The following NOX4 variants were observed in gnomAD, a reference collection of about 807,000 sequenced individuals.
The protein encoded by NOX4 is NADPH oxidase 4, also known as kidney oxidase-1.
In NOX4, 69 loss-of-function variants were observed where a neutral mutation model predicts 87.6. That is an observed-to-expected ratio of 0.79 (90% CI 0.65 to 0.96). NOX4 has a LOEUF of 0.96. Among genes scored for constraint, NOX4 ranks in the 40% least tolerant of loss-of-function variants. NOX4 has a pLI of 0.00. For missense variants in NOX4, 680 were observed against 681.5 expected, an observed-to-expected ratio of 1.00 and a Z score of 0.02; for synonymous variants, 275 against 238.2, an observed-to-expected ratio of 1.15 and a Z score of -1.42.
intron 7 of NOX4, among the ~76,000 whole-genome samples, chr11:89,430,039 G>A (rs114690808): frequency 6.6e-6 from 1 of 152,156 alleles, no homozygotes; most frequent in African/African-American, 2.4e-5. Flanking sequence ...GGGATGCAAA[G>A]CTGGTTCAAC....
At chr11:89,406,292 C>T (rs1322009993) in intron 8 of NOX4, among the ~76,000 whole-genome samples, 2 of 151,986 alleles carry the variant, frequency 1.3e-5, no homozygotes, top group Non-Finnish European at 2.9e-5. Context: ...TTCACTGTGG[C>T]CACATTTATT....
the NOX4 span, among the ~76,000 whole-genome samples, chr11:89,530,836 A>G: frequency 6.6e-6 from 1 of 152,174 alleles, no homozygotes; most frequent in South Asian, 2.1e-4. Context: ...AAAGTAAGGG[A>G]AATACATGTG....
At chr11:89,479,759 G>A (rs1430361454) in intron 2 of NOX4, among the ~76,000 whole-genome samples, 1 of 152,136 alleles carries the variant, frequency 6.6e-6, no homozygotes, top group East Asian at 1.9e-4. Context: ...TTTTCCTTTA[G>A]TCTCATTGTC....
chr11:89,538,208 C>T, the NOX4 span, among the ~76,000 whole-genome samples: 1 of 152,276 alleles, frequency 6.6e-6, no homozygotes, highest in South Asian at 2.1e-4. Context: ...CAAAACCTGG[C>T]TGCATTTGTT....
chr11:89,388,918 T>C (rs567451412), intron 11 of NOX4, among the ~76,000 whole-genome samples: 1 of 152,340 alleles, frequency 6.6e-6, no homozygotes, highest in South Asian at 2.1e-4. Flanking sequence ...TTTGGATTAA[T>C]ATTCAGAGTA....
chr11:89,499,784 A>C (rs11018634), upstream of NOX4, among the ~76,000 whole-genome samples: 26,698 of 152,144 alleles, frequency 0.18, 2,733 homozygotes, highest in East Asian at 0.27. Context: ...CTGTGGAATT[A>C]ATCTTTGTAA....
chr11:89,361,401 C>A (rs1448516716), intron 12 of NOX4, among the ~76,000 whole-genome samples: 2 of 151,934 alleles, frequency 1.3e-5, no homozygotes, highest in South Asian at 2.1e-4. Context: ...CTAAGCTAAC[C>A]TTTGAGGACT....
intron 2 of NOX4, among the ~76,000 whole-genome samples, chr11:89,463,363 T>C (rs1945553013): frequency 1.3e-5 from 2 of 152,010 alleles, no homozygotes; most frequent in Admixed American, 6.6e-5. Context: ...GTTTGAATCA[T>C]AACTTGTCAT....
the NOX4 span, among the ~76,000 whole-genome samples, chr11:89,559,789 C>G: frequency 1.3e-5 from 2 of 151,956 alleles, no homozygotes; most frequent in African/African-American, 4.8e-5. Context: ...TGAGATGGCT[C>G]CAGTACAACA....
intron 8 of NOX4, among the ~76,000 whole-genome samples, chr11:89,407,040 C>G (rs2135208532): frequency 6.6e-6 from 1 of 152,152 alleles, no homozygotes; most frequent in South Asian, 2.1e-4. Flanking sequence ...TAGAAGGGAT[C>G]ATGTCTTATG....
At position 89,489,242 on chromosome 11, in the gene NOX4, T is replaced by A. The variant is rs140021375; in HGVS notation, c.153+1216A>T. Among the ~76,000 whole-genome samples the A allele has an allele frequency of 2.8e-4, 42 of 152,194 alleles. No individual in the cohort carries two copies. The East Asian group carries it at 5.2e-3, about 19-fold the overall frequency. ...AAATAAGATCTCTCCATGTAAAACA[T>A]AGAAGGGAGAGCTGGTTCCACTGAA... On this transcript the variant is annotated intron_variant, in intron 2 of 17. Transcript: ENST00000263317.
chr11:89,493,214 G>A, upstream of NOX4, among the ~76,000 whole-genome samples: 1 of 151,892 alleles, frequency 6.6e-6, no homozygotes, highest in East Asian at 1.9e-4. Context: ...GTGAAACCCC[G>A]TCTCTACTAA....
chr11:89,585,250 A>G, the NOX4 span, among the ~76,000 whole-genome samples: 3 of 152,256 alleles, frequency 2.0e-5, no homozygotes, highest in South Asian at 4.1e-4. Context: ...ATATTGCTCA[A>G]TGCTGCTCCT....
chr11:89,539,431 C>CA, the NOX4 span, among the ~76,000 whole-genome samples: 53 of 148,856 alleles, frequency 3.6e-4, 1 homozygote, highest in South Asian at 2.3e-3. Flanking sequence ...GACTCTGTCT[C>CA]AAAAAAAAAA....
At chr11:89,422,035 A>G in intron 7 of NOX4, 53 bp from the exon 8 acceptor site, 2 of 888,176 alleles carry the variant, frequency 2.3e-6, no homozygotes, top group Non-Finnish European at 3.5e-6. Context: ...CATCTTACTA[A>G]AAATATCAAA....
At chr11:89,422,928 C>A (rs1292396544) in intron 7 of NOX4, among the ~76,000 whole-genome samples, 1 of 151,384 alleles carries the variant, frequency 6.6e-6, no homozygotes, top group African/African-American at 2.4e-5. Context: ...GCCTCCTGAG[C>A]AGCTGGGATT....
At chr11:89,574,921 C>T in the NOX4 span, among the ~76,000 whole-genome samples, 2 of 152,178 alleles carry the variant, frequency 1.3e-5, no homozygotes, top group African/African-American at 4.8e-5. Flanking sequence ...CGGTGGCTCA[C>T]GCCCATAATC....
the NOX4 span, among the ~76,000 whole-genome samples, chr11:89,587,071 T>G: frequency 3.9e-5 from 6 of 152,128 alleles, 1 homozygote; most frequent in African/African-American, 9.7e-5. Flanking sequence ...AGGCAACTTT[T>G]GGGAGCAAAG....
intron 11 of NOX4, among the ~76,000 whole-genome samples, chr11:89,394,053 C>T (rs1457746399): frequency 6.6e-6 from 1 of 152,130 alleles, no homozygotes; most frequent in Non-Finnish European, 1.5e-5. Flanking sequence ...TCTTAAGAAG[C>T]AGGCCAGGCC....
Sources: allele counts gnomAD v4.1 joint callset (sites outside exome capture counted in the v4.1 genomes callset), GRCh38; gene constraint gnomAD v4.1.1; transcripts MANE v1.5; gene names NCBI Gene and HGNC (gene_info 2026-07-23, HGNC 2026-07-21).